The following ATRN variants were observed in gnomAD, a reference collection of about 807,000 sequenced individuals.
ATRN encodes the protein attractin-2.
ATRN carries 54 observed loss-of-function variants against 178.7 expected under a neutral mutation model. The observed-to-expected ratio is 0.30, with a 90% confidence interval of 0.24 to 0.38. The LOEUF (loss-of-function observed/expected upper bound fraction) is 0.38. Among genes scored for constraint, ATRN ranks in the 10% least tolerant of loss-of-function variants. ATRN has a pLI of 1.00. For synonymous variants in ATRN, 636 were observed against 663.0 expected (o/e 0.96, Z 0.63); for missense variants, 1,443 against 1,815.1 (o/e 0.79, Z 3.73).
At chr20:3,520,728 C>T in intron 1 of ATRN, among the ~76,000 whole-genome samples, 1 of 152,250 alleles carries the variant, frequency 6.6e-6, no homozygotes, top group East Asian at 1.9e-4. Context: ...AACTCCTGGC[C>T]TCAAGTGATC....
chr20:3,564,528 AT>A (rs2086003511), intron 10 of ATRN, among the ~76,000 whole-genome samples: 2 of 152,194 alleles, frequency 1.3e-5, no homozygotes, highest in African/African-American at 4.8e-5. Context: ...TTGGTATTAG[AT>A]CCAGAAGAGA....
intron 1 of ATRN, among the ~76,000 whole-genome samples, chr20:3,504,441 C>T (rs1417944894): frequency 1.3e-5 from 2 of 150,230 alleles, no homozygotes; most frequent in South Asian, 2.1e-4. Context: ...TTTAGGAGGC[C>T]GAGGTGGGTG....
At chr20:3,577,698 T>A (rs1039642174) in intron 14 of ATRN, among the ~76,000 whole-genome samples, 1 of 152,152 alleles carries the variant, frequency 6.6e-6, no homozygotes, top group African/African-American at 2.4e-5. Flanking sequence ...TATCTCAGTG[T>A]GTCTCAAATT....
intron 11 of ATRN, among the ~76,000 whole-genome samples, chr20:3,569,214 G>A (rs1007947267): frequency 2.0e-5 from 3 of 152,196 alleles, no homozygotes; most frequent in African/African-American, 7.2e-5. Flanking sequence ...TACATTCTGA[G>A]AAGTGCATCC....
chr20:3,491,100 GT>G, intron 1 of ATRN: 1 of 633,096 alleles, frequency 1.6e-6, no homozygotes, highest in East Asian at 2.7e-5. Flanking sequence ...CTTTCCTAAA[GT>G]ATTTTATTGA....
At chr20:3,608,923 C>T (rs979579065) in intron 24 of ATRN, among the ~76,000 whole-genome samples, 2 of 149,234 alleles carry the variant, frequency 1.3e-5, no homozygotes, top group Non-Finnish European at 3.0e-5. Context: ...GCCAAGATTA[C>T]GCCACTACAT....
chr20:3,566,500 TC>T (rs1315358915), intron 11 of ATRN, among the ~76,000 whole-genome samples: 1 of 152,210 alleles, frequency 6.6e-6, no homozygotes, highest in African/African-American at 2.4e-5. Flanking sequence ...GCCATATAAA[TC>T]CTAAGGATGT....
chr20:3,556,366 G>T (rs1400385474), intron 6 of ATRN, among the ~76,000 whole-genome samples: 1 of 152,196 alleles, frequency 6.6e-6, no homozygotes, highest in Admixed American at 6.5e-5. Flanking sequence ...GAACTTTTGG[G>T]ATAAAGGACA....
intron 26 of ATRN, among the ~76,000 whole-genome samples, chr20:3,634,727 CGCGTGAT>C (rs1175898813): frequency 2.0e-5 from 3 of 152,160 alleles, no homozygotes; most frequent in Non-Finnish European, 2.9e-5. Flanking sequence ...GCACAGCCAC[CGCGTGAT>C]TAGGCACCGC....
rs1251863330 is a variant in ATRN, at chr20:3,604,118, T to G, written c.3657T>G (p.Ala1219=). The G allele has an allele frequency of 1.3e-6, 2 of 1,588,710 alleles. No homozygotes were observed. Among genetic ancestry groups the G allele is most frequent in the Non-Finnish European group, 1.7e-6 (2 of 1,172,544 alleles). Residue 1219 remains alanine, a synonymous_variant, in exon 24 of 29, where the codon GCT becomes GCG. Coordinates refer to ENST00000262919, the MANE Select transcript of ATRN (RefSeq NM_139321.3). ...TTCTTTTAACAGCTGGAACCCAGGC[T>G]GGAGAAGAGATGCCTGTTGTTTCAA... is the stretch of plus-strand genomic sequence containing the variant. The part of the protein sequence containing the change: ...WAASFSAGTQ[A]GEEMPVVSKT...
Position 3,645,975 on chromosome 20 carries a change from G to T in ATRN, c.4166-748G>T, listed in dbSNP as rs1375323213. On this transcript the variant is annotated intron_variant, in intron 28 of 28. Coordinates refer to ENST00000262919, the MANE Select transcript of ATRN (RefSeq NM_139321.3). This position sits in a 1 kb window ranked among gnomAD's most constrained non-coding sequence, Gnocchi z 4.7. ...ATTGCAAGTCCCCAAAGCAAAGTGGGCGGCGGGGCAGTGATGAGCATAAAG... is the reference window on the plus strand; with the variant it reads ...ATTGCAAGTCCCCAAAGCAAAGTGGTCGGCGGGGCAGTGATGAGCATAAAG... Among the ~76,000 whole-genome samples, 1 of 152,194 alleles carries T rather than the reference G, an allele frequency of 6.6e-6. No homozygotes were observed. The highest frequency in any genetic ancestry group is 1.5e-5 in the Non-Finnish European group (1 of 68,040).
rs2085939461 is a variant in ATRN, at chr20:3,560,730, T to C, written c.1272T>C (p.Phe424=). 1.2e-6 allele frequency: 2 copies of C among 1,613,968 alleles called. No homozygotes were observed. The highest frequency in any genetic ancestry group is 1.7e-5 in the Admixed American group (1 of 60,002). Residue 424 remains phenylalanine (F), a synonymous_variant, in exon 8 of 29, where the codon TTT becomes TTC. Transcript: ENST00000262919. ...ATGTGACCAATGAGTTGAGAGTTTT[T>C]CACATTCATAATGAGTCATGGGTGT... The part of the protein sequence containing the change: ...TGNVTNELRV[F]HIHNESWVLL...
At chr20:3,545,979 G>A (rs748626866) in intron 4 of ATRN, 89 bp downstream of exon 4, 46 of 1,407,904 alleles carry the variant, frequency 3.3e-5, no homozygotes, top group Non-Finnish European at 4.5e-5. Context: ...TAGATTGAGA[G>A]CCAGGCATAG....
Position 3,594,061 on chromosome 20 carries a change from C to T in ATRN, c.3323-418C>T, listed in dbSNP as rs561942778. Among the ~76,000 whole-genome samples the T allele has an allele frequency of 1.0e-3, 156 of 152,264 alleles. 1 individual carries two copies. Among genetic ancestry groups the T allele is most frequent in the Non-Finnish European group, 1.8e-3 (124 of 68,018 alleles). ...AGAAGGCACCTCAGCCAAGACCAGC[C>T]CTCCTTCAGAGGACAGTCACCTCCA... On this transcript the variant is annotated intron_variant, in intron 19 of 28. Coordinates refer to ENST00000262919, the MANE Select transcript of ATRN (RefSeq NM_139321.3).
At chr20:3,643,508 A>T (rs1187610526) in intron 27 of ATRN, among the ~76,000 whole-genome samples, 3 of 112,266 alleles carry the variant, frequency 2.7e-5, no homozygotes, top group Admixed American at 9.3e-5. Flanking sequence ...TCTATTCTTT[A>T]AAAAAAAAAA....
At chr20:3,536,144 T>C (rs1432598552) in intron 2 of ATRN, among the ~76,000 whole-genome samples, 1 of 152,160 alleles carries the variant, frequency 6.6e-6, no homozygotes, top group Admixed American at 6.5e-5. Context: ...TCTCAGACTT[T>C]TTTGGTCTCA....
intron 4 of ATRN, among the ~76,000 whole-genome samples, chr20:3,547,071 T>A (rs1253767395): frequency 6.6e-6 from 1 of 152,200 alleles, no homozygotes; most frequent in African/African-American, 2.4e-5. Flanking sequence ...ATTATGAGAA[T>A]CCAGCAGGGT....
intron 8 of ATRN, among the ~76,000 whole-genome samples, 192 bp from the exon 9 acceptor site, chr20:3,562,084 A>G (rs1214316643): frequency 2.0e-5 from 3 of 152,218 alleles, no homozygotes; most frequent in East Asian, 1.9e-4. Flanking sequence ...ACATCAGAAC[A>G]TAGAACAGAC....
In ATRN at chr20:3,572,350, A is replaced by T. The variant is rs527285209; in HGVS notation, c.1872-381A>T. Among the ~76,000 whole-genome samples, 3 of 152,366 alleles carry T rather than the reference A, an allele frequency of 2.0e-5. No homozygotes were observed. The South Asian group carries it at 6.2e-4, about 32-fold the overall frequency. On this transcript the variant is annotated intron_variant, in intron 11 of 28. Transcript: ENST00000262919. Reference sequence around the variant, plus strand: ...GGCTATCATGAGAACTTTTTAATACAGTAGCTATGACGAGGAGGCAGATTA... The same window carrying T: ...GGCTATCATGAGAACTTTTTAATACTGTAGCTATGACGAGGAGGCAGATTA...
Sources: allele counts gnomAD v4.1 joint callset (sites outside exome capture counted in the v4.1 genomes callset), GRCh38; gene constraint gnomAD v4.1.1; non-coding constraint Gnocchi (gnomAD v3.1); transcripts MANE v1.5; gene names NCBI Gene and HGNC (gene_info 2026-07-23, HGNC 2026-07-21).